The following CPXM2 variants were observed in gnomAD, a reference collection of about 807,000 sequenced individuals.
CPXM2 encodes inactive carboxypeptidase-like protein X2.
A neutral mutation model predicts 86.1 loss-of-function variants in CPXM2; 66 were observed. The observed-to-expected ratio is 0.77, with a 90% CI of 0.63 to 0.94. The LOEUF (loss-of-function observed/expected upper bound fraction) is 0.94. Among genes scored for constraint, CPXM2 ranks in the 40% least tolerant of loss-of-function variants. The pLI, the probability that CPXM2 is intolerant of heterozygous loss-of-function variation, is 0.00. For synonymous variants in CPXM2, 388 were observed against 400.2 expected (o/e 0.97, Z 0.36); for missense variants, 948 against 1,026.3 (o/e 0.92, Z 1.04).
chr10:123,836,212 C>G (rs563770148), intron 4 of CPXM2, among the ~76,000 whole-genome samples: 1 of 152,234 alleles, frequency 6.6e-6, no homozygotes, highest in African/African-American at 2.4e-5. Flanking sequence ...CCCCTTGGCT[C>G]CATCTCAGCC....
intron 2 of CPXM2, among the ~76,000 whole-genome samples, chr10:123,937,258 GAA>G (rs1270217662): frequency 1.3e-5 from 2 of 152,146 alleles, no homozygotes; most frequent in Admixed American, 6.5e-5. Flanking sequence ...GGGGTCTCAG[GAA>G]AGTTACAATT....
chr10:123,849,055 T>G (rs1023196709), intron 3 of CPXM2, among the ~76,000 whole-genome samples: 9 of 152,226 alleles, frequency 5.9e-5, no homozygotes, highest in African/African-American at 2.2e-4. Context: ...TTTGTTCTAT[T>G]AATAGTAAGT....
In CPXM2 at chr10:123,766,971, A is replaced by T; in HGVS notation, c.1479+2T>A. The T allele has an allele frequency of 6.2e-7, 1 of 1,612,324 alleles. No individual in the cohort carries two copies. Among genetic ancestry groups the T allele is most frequent in the Non-Finnish European group, 8.5e-7 (1 of 1,178,310 alleles). Reference sequence around the variant, plus strand: ...TTACAGATGACGGGTATTTTGACTCACCGTGGCATTTTCCGACAGAAACCA... The same window carrying T: ...TTACAGATGACGGGTATTTTGACTCTCCGTGGCATTTTCCGACAGAAACCA... On this transcript the variant is annotated splice_donor_variant, in intron 10 of 13. Coordinates refer to ENST00000241305, the MANE Select transcript of CPXM2 (RefSeq NM_198148.3). LOFTEE classifies it high-confidence loss of function.
rs1848958270 is a variant in CPXM2 at position 123,865,611 on chromosome 10, G to C, written c.404-2888C>G. On this transcript the variant is annotated intron_variant, in intron 2 of 13. Coordinates refer to ENST00000241305, the MANE Select transcript of CPXM2 (RefSeq NM_198148.3). This position sits in a 1 kb window ranked among gnomAD's most constrained non-coding sequence, Gnocchi z 4.7. ...ACTCAACCTCACGCATGCCTCCAGA[G>C]AGGGCCTGACTCACCTGGTCCCCTG... Among the ~76,000 whole-genome samples, 1 of 152,168 alleles carries C rather than the reference G, an allele frequency of 6.6e-6. No homozygotes were observed. The highest frequency in any genetic ancestry group is 2.1e-4 in the South Asian group (1 of 4,834).
chr10:123,784,467 CCT>C (rs755721998), intron 6 of CPXM2, among the ~76,000 whole-genome samples: 13 of 152,182 alleles, frequency 8.5e-5, no homozygotes, highest in Non-Finnish European at 1.3e-4. Flanking sequence ...CCTCCTCACC[CCT>C]GAGTCCTCCT....
At chr10:123,751,925 G>A (rs1846087294) in intron 13 of CPXM2, 2 of 985,218 alleles carry the variant, frequency 2.0e-6, no homozygotes, top group South Asian at 4.7e-5. Flanking sequence ...CTCATTGATT[G>A]CAGGGGCTTG....
chr10:123,899,776 G>C (rs1945366299), intron 2 of CPXM2, among the ~76,000 whole-genome samples: 1 of 152,146 alleles, frequency 6.6e-6, no homozygotes, highest in South Asian at 2.1e-4. Flanking sequence ...CACGAAAGTG[G>C]ACTCCAAATG....
At chr10:123,914,546 G>C (rs1327076460) in intron 2 of CPXM2, among the ~76,000 whole-genome samples, 1 of 152,092 alleles carries the variant, frequency 6.6e-6, no homozygotes, top group East Asian at 1.9e-4. Context: ...CACTCGAAAG[G>C]TGAACTCCCC....
intron 7 of CPXM2, among the ~76,000 whole-genome samples, chr10:123,773,902 C>T (rs962411869): frequency 6.6e-6 from 1 of 152,188 alleles, no homozygotes; most frequent in African/African-American, 2.4e-5. Context: ...GGAGAAAAGG[C>T]TACCCTAAAG....
At chr10:123,830,866 C>CTG (rs1240205303) in intron 4 of CPXM2, among the ~76,000 whole-genome samples, 23 of 97,920 alleles carry the variant, frequency 2.3e-4, no homozygotes, top group Middle Eastern at 4.5e-3. Flanking sequence ...CTCTCTCTCT[C>CTG]TCTCTCTGTG....
intron 2 of CPXM2, among the ~76,000 whole-genome samples, chr10:123,936,733 C>T (rs1945724361): frequency 6.6e-6 from 1 of 152,194 alleles, no homozygotes. Flanking sequence ...TCCACTCTCC[C>T]TTTGTCTCTC....
At chr10:123,915,462 G>A (rs531604853) in intron 2 of CPXM2, among the ~76,000 whole-genome samples, 1 of 152,314 alleles carries the variant, frequency 6.6e-6, no homozygotes, top group South Asian at 2.1e-4. Flanking sequence ...GGAGGCTAAG[G>A]CAGGAGAATC....
chr10:123,923,951 G>A (rs1945601045), intron 2 of CPXM2, among the ~76,000 whole-genome samples: 1 of 152,206 alleles, frequency 6.6e-6, no homozygotes, highest in Non-Finnish European at 1.5e-5. Flanking sequence ...GTAAATCACA[G>A]TCTCAGGTAT....
rs80093135 is a variant in CPXM2, at chr10:123,767,778, T to C, written c.1300-626A>G. On this transcript the variant is annotated intron_variant, in intron 9 of 13. Transcript: ENST00000241305. Reference sequence around the variant, plus strand: ...ATTCTATGCACACCTATAACCTATATACATTCTATATCATAACTGGAACAC... The same window carrying C: ...ATTCTATGCACACCTATAACCTATACACATTCTATATCATAACTGGAACAC... Among the ~76,000 whole-genome samples the C allele has an allele frequency of 1.7e-3, 261 of 152,292 alleles. 1 individual carries two copies. The highest frequency in any genetic ancestry group is 5.9e-3 in the African/African-American group (245 of 41,560).
intron 2 of CPXM2, among the ~76,000 whole-genome samples, chr10:123,918,326 A>G (rs777639304): frequency 3.9e-5 from 6 of 152,184 alleles, no homozygotes; most frequent in Non-Finnish European, 7.3e-5. Context: ...GCAGGTTTCG[A>G]TTCTGGCTAG....
intron 13 of CPXM2, chr10:123,752,759 G>A (rs374724716): frequency 2.9e-4 from 67 of 231,896 alleles, no homozygotes; most frequent in African/African-American, 1.5e-3. Context: ...CCACTCACTG[G>A]GTAATCCTGG....
At chr10:123,816,826 G>A (rs891589053) in intron 4 of CPXM2, among the ~76,000 whole-genome samples, 17 of 152,176 alleles carry the variant, frequency 1.1e-4, no homozygotes, top group African/African-American at 2.2e-4. Flanking sequence ...GATCTTGATC[G>A]CTTTTCACTT....
At chr10:123,864,188 A>G (rs962881399) in intron 2 of CPXM2, among the ~76,000 whole-genome samples, 6 of 151,930 alleles carry the variant, frequency 3.9e-5, no homozygotes, top group African/African-American at 1.2e-4. Flanking sequence ...CCTTAGACAC[A>G]GTCAGCATTC....
chr10:123,774,074 C>G (rs1206524942), intron 7 of CPXM2, among the ~76,000 whole-genome samples: 1 of 152,172 alleles, frequency 6.6e-6, no homozygotes, highest in African/African-American at 2.4e-5. Context: ...TTTTTTGAGC[C>G]AGGCACCTGA....
Sources: allele counts gnomAD v4.1 joint callset (sites outside exome capture counted in the v4.1 genomes callset), GRCh38; gene constraint gnomAD v4.1.1; non-coding constraint Gnocchi (gnomAD v3.1); transcripts MANE v1.5; gene names NCBI Gene and HGNC (gene_info 2026-07-23, HGNC 2026-07-21).